Variants in ABCC2 observed in about 807,000 individuals in gnomAD.
ABCC2 encodes the protein ATP binding cassette subfamily C member 2.
Under a neutral mutation model 173.4 loss-of-function variants are expected in ABCC2, and 157 were observed. The ratio of observed to expected loss-of-function variants is 0.91; its 90% confidence interval spans 0.80 to 1.03. ABCC2 has a LOEUF of 1.03. Among genes scored for constraint, ABCC2 ranks in the 50% least tolerant of loss-of-function variants. The pLI, the probability that ABCC2 is intolerant of heterozygous loss-of-function variation, is 0.00. For synonymous variants in ABCC2, 657 were observed against 693.5 expected, an observed-to-expected ratio of 0.95 and a Z score of 0.83; for missense variants, 1,822 against 1,852.3, an observed-to-expected ratio of 0.98 and a Z score of 0.30.
chr10:99,821,067 T>G (rs184851173), intron 19 of ABCC2, among the ~76,000 whole-genome samples: 1 of 151,512 alleles, frequency 6.6e-6, no homozygotes, highest in Non-Finnish European at 1.5e-5. Flanking sequence ...ACAAGACAAT[T>G]GTGGGGAGAG....
chr10:99,833,843 A>G (rs1362198722), intron 23 of ABCC2, among the ~76,000 whole-genome samples: 1 of 152,204 alleles, frequency 6.6e-6, no homozygotes, highest in Non-Finnish European at 1.5e-5. Context: ...AATATAAACC[A>G]AGCTTCTTGA....
In ABCC2 at chr10:99,800,531, C is replaced by T. The variant is rs777902199; in HGVS notation, c.1177C>T (p.Arg393Trp). 56 of 1,614,000 alleles carry T rather than the reference C, an allele frequency of 3.5e-5. No individual in the cohort carries two copies. Among genetic ancestry groups the T allele is most frequent in the East Asian group, 3.3e-4 (15 of 44,900 alleles). Residue 393 changes from arginine (R) to tryptophan (W), a missense_variant, in exon 9 of 32, where the codon CGG (arginine) becomes TGG (tryptophan). Physicochemically the swap from Arg to Trp is moderately radical, Grantham distance 101 (BLOSUM62 -3). Transcript: ENST00000647814. Reference sequence around the variant, plus strand: ...GTGCTTCAAGCTGGGTGTAAAAGTACGGACAGCTATCATGGCTTCTGTATA... The same window carrying T: ...GTGCTTCAAGCTGGGTGTAAAAGTATGGACAGCTATCATGGCTTCTGTATA... ...QLCFKLGVKV[R>W]TAIMASVYKK...
intron 6 of ABCC2, among the ~76,000 whole-genome samples, chr10:99,795,775 GAA>G (rs1207731989): frequency 4.8e-4 from 70 of 145,808 alleles, no homozygotes; most frequent in South Asian, 1.5e-3. Context: ...AAGAAAGAAA[GAA>G]AGAAAGAAAG....
intron 2 of ABCC2, among the ~76,000 whole-genome samples, chr10:99,787,050 C>A (rs7393085): frequency 4.6e-5 from 7 of 150,722 alleles, no homozygotes; most frequent in African/African-American, 1.5e-4. Flanking sequence ...CACCTGTAAC[C>A]CCAGCTACTC....
chr10:99,808,379 TTAA>T (rs2038150883), intron 13 of ABCC2, 150 bp downstream of exon 13: 8 of 1,093,816 alleles, frequency 7.3e-6, no homozygotes, highest in Non-Finnish European at 1.1e-5. Flanking sequence ...TGGTTTGACC[TTAA>T]TAAAATCATG....
At chr10:99,788,332 A>G (rs530068411) in intron 2 of ABCC2, among the ~76,000 whole-genome samples, 4 of 152,272 alleles carry the variant, frequency 2.6e-5, no homozygotes, top group African/African-American at 7.2e-5. Context: ...ATTTGTACCT[A>G]AGCAGCCAAA....
rs893065044 is a variant in ABCC2, at chr10:99,804,008, C to A, written c.1210-11C>A. 4 of 1,614,084 alleles carry A rather than the reference C, an allele frequency of 2.5e-6. No homozygotes were observed. Among genetic ancestry groups the A allele is most frequent in the Non-Finnish European group, 3.4e-6 (4 of 1,179,990 alleles). ...TTGTCCATGGGTCCTAATTTCAATC[C>A]TTATCTTTAGGCATTGACCCTATCC... On this transcript the variant is annotated splice_polypyrimidine_tract_variant and intron_variant, in intron 9 of 31. Coordinates refer to ENST00000647814, the MANE Select transcript of ABCC2 (RefSeq NM_000392.5).
chr10:99,836,330 G>C, intron 25 of ABCC2, 40 bp downstream of exon 25: 1 of 1,608,948 alleles, frequency 6.2e-7, no homozygotes. Flanking sequence ...TGTGTACTTT[G>C]GGGTTCTATA....
rs760309302 is a variant in ABCC2 at position 99,793,925 on chromosome 10, T to G, written c.502T>G (p.Phe168Val). 1.1e-5 allele frequency: 18 copies of G among 1,613,898 alleles called. No homozygotes were observed. The Admixed American group carries it at 3.0e-4, about 27-fold the overall frequency. The change falls in exon 5 of 32, where the codon TTC (phenylalanine) becomes GTC (valine). Residue 168 changes from phenylalanine to valine, a missense_variant. By Grantham distance (50) the Phe-to-Val change is conservative. Coordinates refer to ENST00000647814, the MANE Select transcript of ABCC2 (RefSeq NM_000392.5). The stretch of plus-strand genomic sequence containing the variant: ...TTCTAATCTAGCCTACTCCTGCCTG[T>G]TCTTCATCTCCTACGGATTCCAGAT... ...DNSNLAYSCL[F>V]FISYGFQILI...
rs762116980 is a variant in ABCC2 at position 99,792,351 on chromosome 10, G to C, written c.325G>C (p.Gly109Arg). The C allele has an allele frequency of 2.5e-6, 4 of 1,613,862 alleles. No homozygotes were observed. The highest frequency in any genetic ancestry group is 1.7e-5 in the Admixed American group (1 of 59,998). The change falls in exon 3 of 32, where the codon GGC (glycine) becomes CGC (arginine). Residue 109 changes from glycine (G) to arginine (R), a missense_variant. Gly to Arg is a moderately radical substitution (Grantham distance 125, BLOSUM62 -2). Transcript: ENST00000647814. Reference protein sequence around the residue: ...VRYTNPSLYLGTWLLVLLIQY... With the variant: ...VRYTNPSLYLRTWLLVLLIQY... ...ATATACCAATCCAAGCCTCTACCTA[G>C]GCACATGGGTAAGACCTATACCACT...
chr10:99,784,833 G>C (rs1050586793), intron 2 of ABCC2, 52 bp downstream of exon 2: 49 of 1,598,292 alleles, frequency 3.1e-5, no homozygotes, highest in Non-Finnish European at 4.0e-5. Context: ...GCACAGTAGA[G>C]ACATTTTCTT....
At chr10:99,830,494 T>G in intron 20 of ABCC2, 61 bp downstream of exon 20, 1 of 1,612,456 alleles carries the variant, frequency 6.2e-7, no homozygotes, top group South Asian at 1.1e-5. Flanking sequence ...GATCTTTTTC[T>G]TTTTCTTCCT....
At chr10:99,850,557 C>G (rs765824902) in intron 30 of ABCC2, 45 bp from the exon 31 acceptor site, 1 of 1,601,882 alleles carries the variant, frequency 6.2e-7, no homozygotes, top group Non-Finnish European at 8.5e-7. Flanking sequence ...TGCGTCTTTC[C>G]TTGGTCTTTA....
chr10:99,820,436 C>T (rs1420056739), intron 19 of ABCC2, among the ~76,000 whole-genome samples: 1 of 151,978 alleles, frequency 6.6e-6, no homozygotes, highest in Admixed American at 6.6e-5. Context: ...AAGAAAACCA[C>T]CCTGAGAAGC....
chr10:99,834,160 G>A (rs34401027), intron 23 of ABCC2, among the ~76,000 whole-genome samples: 2,135 of 152,282 alleles, frequency 0.014, 22 homozygotes, highest in Non-Finnish European at 0.022. Flanking sequence ...GGGATTACAG[G>A]TGTGACCACC....
chr10:99,842,756 G>A (rs191097516), intron 26 of ABCC2, among the ~76,000 whole-genome samples: 1 of 152,254 alleles, frequency 6.6e-6, no homozygotes, highest in Admixed American at 6.5e-5. Flanking sequence ...TTCATTAGAA[G>A]TTAATAAGGC....
chr10:99,823,847 A>AACTATTTTG (rs1230598324), intron 19 of ABCC2, among the ~76,000 whole-genome samples: 1 of 126,136 alleles, frequency 7.9e-6, no homozygotes, highest in Non-Finnish European at 1.6e-5. Flanking sequence ...TTAAAGGGAC[A>AACTATTTTG]ACTATTTTGT....
At position 99,836,027 on chromosome 10, in the gene ABCC2, A is replaced by G. The variant is rs1009254518; in HGVS notation, c.3415-64A>G. On this transcript the variant is annotated intron_variant, in intron 24 of 31. Coordinates refer to ENST00000647814, the MANE Select transcript of ABCC2 (RefSeq NM_000392.5). ...GAAGAATGCTGGGTTGTGGCCAGAA[A>G]GGAGGAAGATGGTGGATGCCTCATG... The G allele has an allele frequency of 2.7e-5, 42 of 1,537,040 alleles. No homozygotes were observed. In the African/African-American group the frequency reaches 4.4e-4, roughly 16 times the overall value.
chr10:99,803,495 T>G (rs550548292), intron 9 of ABCC2, among the ~76,000 whole-genome samples: 3 of 152,226 alleles, frequency 2.0e-5, no homozygotes, highest in Non-Finnish European at 4.4e-5. Flanking sequence ...CATCCATCCC[T>G]CCTTTTCTTC....
Sources: gnomAD v4.1 joint callset for allele counts (sites outside exome capture counted in the v4.1 genomes callset) on GRCh38, gnomAD v4.1.1 for gene constraint, MANE v1.5 for transcripts, NCBI Gene and HGNC (gene_info 2026-07-23, HGNC 2026-07-21) for gene names.